MAK: variants seen among roughly 807,000 people sequenced by gnomAD.
MAK encodes the protein male germ cell associated kinase.
MAK carries 65 observed loss-of-function variants against 82.6 expected under a neutral mutation model. The ratio of observed to expected loss-of-function variants is 0.79; its 90% CI spans 0.64 to 0.97. MAK has a LOEUF of 0.97. Ranked by LOEUF, MAK falls within the 50% of genes least tolerant of loss-of-function variation. MAK has a pLI of 0.00. For synonymous variants in MAK, 250 were observed against 274.2 expected, an observed-to-expected ratio of 0.91 and a Z score of 0.87; for missense variants, 703 against 780.2, an observed-to-expected ratio of 0.90 and a Z score of 1.18.
At position 10,793,105 on chromosome 6, in the gene MAK, T is replaced by C. The variant is rs780497656; in HGVS notation, c.1144-1258A>G. On this transcript the variant is annotated intron_variant, in intron 9 of 14. Transcript: ENST00000354489. This position sits in a 1 kb window ranked among gnomAD's most constrained non-coding sequence, Gnocchi z 4.6. ...GCAAACTCCACATCAGTAAGTTTGG[T>C]AGAGGATGAGGGCAAAGATTCTAAA... Among the ~76,000 whole-genome samples, 18 of 152,136 alleles carry C rather than the reference T, an allele frequency of 1.2e-4. No individual in the cohort carries two copies. The highest frequency in any genetic ancestry group is 2.4e-4 in the Non-Finnish European group (16 of 68,028).
At position 10,808,824 on chromosome 6, in the gene MAK, A is replaced by G; in HGVS notation, c.477T>C (p.Tyr159=). The stretch of plus-strand genomic sequence containing the variant: ...CCCCTACTCACCATCTGGTAGATAC[A>G]TAATCAGTGTATGGTGGCTGTGACC... ...ELRSQPPYTD[Y]VSTRWYRAPE... The change falls in exon 6 of 15, where the codon TAT becomes TAC. Residue 159 remains tyrosine, a synonymous_variant. Coordinates refer to ENST00000354489, the MANE Select transcript of MAK (RefSeq NM_001242957.3). The G allele has an allele frequency of 6.2e-7, 1 of 1,614,106 alleles. No homozygotes were observed.
At chr6:10,768,514 G>T (rs1418145155) in intron 14 of MAK, among the ~76,000 whole-genome samples, 1 of 152,154 alleles carries the variant, frequency 6.6e-6, no homozygotes, top group African/African-American at 2.4e-5. Flanking sequence ...CCGGGAGGTG[G>T]AGGTTGCAGT....
intron 8 of MAK, among the ~76,000 whole-genome samples, chr6:10,797,008 A>G (rs1012845711): frequency 2.0e-5 from 3 of 152,216 alleles, no homozygotes; most frequent in African/African-American, 7.2e-5. Context: ...ACTCAAAGAC[A>G]TTAAAAAGTG....
chr6:10,810,442 C>A (rs1324811683), intron 5 of MAK, among the ~76,000 whole-genome samples: 1 of 149,136 alleles, frequency 6.7e-6, no homozygotes, highest in African/African-American at 2.5e-5. Flanking sequence ...TGGGTTCAAG[C>A]GATTCTCCTG....
At chr6:10,831,808 T>C (rs1401694966) in intron 1 of MAK, among the ~76,000 whole-genome samples, 3 of 152,198 alleles carry the variant, frequency 2.0e-5, no homozygotes, top group African/African-American at 7.2e-5. Context: ...GTGACTGAAA[T>C]GTTGTAACCT....
chr6:10,793,025 G>A lies in MAK; in HGVS notation c.1144-1178C>T, dbSNP rs572290182. Among the ~76,000 whole-genome samples the A allele has an allele frequency of 6.6e-6, 1 of 151,720 alleles. No homozygotes were observed. The highest frequency in any genetic ancestry group is 1.5e-5 in the Non-Finnish European group (1 of 67,964). ...ATATGCAAGAATCTGGTATGGCTGA[G>A]AAGACTGGAAAGGGGCAAATATAAT... is the stretch of plus-strand genomic sequence containing the variant. On this transcript the variant is annotated intron_variant, in intron 9 of 14. Coordinates refer to ENST00000354489, the MANE Select transcript of MAK (RefSeq NM_001242957.3). The surrounding 1 kb of genome is among the most constrained non-coding windows in gnomAD (Gnocchi z 4.6).
At chr6:10,829,694 G>A (rs1350729583) in intron 2 of MAK, among the ~76,000 whole-genome samples, 1 of 152,214 alleles carries the variant, frequency 6.6e-6, no homozygotes, top group African/African-American at 2.4e-5. Context: ...TGGTTTATCA[G>A]TGTAGCTGGA....
chr6:10,798,482 T>C (rs889433145), intron 8 of MAK, among the ~76,000 whole-genome samples: 4 of 152,104 alleles, frequency 2.6e-5, no homozygotes, highest in African/African-American at 9.7e-5. Flanking sequence ...ACTTTAAAAA[T>C]TAATAGCATT....
Position 10,775,394 on chromosome 6 carries a change from TG to T in MAK, c.1530del (p.Ser510ArgfsTer27). On this transcript the variant is annotated frameshift_variant, in exon 12 of 15. Transcript: ENST00000354489. LOFTEE classifies it high-confidence loss of function. ...SGKEINPHTW[S>X]NQLFPKSLGP... ...CCCAGTGACTTGGGGAATAACTGGT[TG>T]CTCCAAGTGTGGGGGTTTATTTCCT... 1 of 1,614,068 alleles carries T rather than the reference TG, an allele frequency of 6.2e-7. No individual in the cohort carries two copies.
intron 14 of MAK, among the ~76,000 whole-genome samples, chr6:10,769,538 A>T (rs1055915253): frequency 1.3e-5 from 2 of 152,214 alleles, no homozygotes; most frequent in Admixed American, 6.5e-5. Flanking sequence ...AGGGTGTGAA[A>T]GTCCTGCCAC....
At chr6:10,783,997 C>T (rs376224773) in intron 11 of MAK, among the ~76,000 whole-genome samples, 2 of 151,734 alleles carry the variant, frequency 1.3e-5, no homozygotes, top group African/African-American at 4.8e-5. Flanking sequence ...CCAGCCTGGG[C>T]GACAGAGCGA....
rs977572097 is a variant in MAK, at chr6:10,800,381, A to T, written c.831+1511T>A. ...TATCTTTCCATTTTAAGATTTTTAC[A>T]TAGAGAAAAATTTTACTTTTTATGT... On this transcript the variant is annotated intron_variant, in intron 8 of 14. Coordinates refer to ENST00000354489, the MANE Select transcript of MAK (RefSeq NM_001242957.3). The surrounding 1 kb of genome is among the most constrained non-coding windows in gnomAD (Gnocchi z 4.2). Among the ~76,000 whole-genome samples the T allele has an allele frequency of 2.6e-5, 4 of 152,182 alleles. No individual in the cohort carries two copies. Among genetic ancestry groups the T allele is most frequent in the African/African-American group, 9.6e-5 (4 of 41,454 alleles).
chr6:10,769,874 C>T (rs1684955921), intron 14 of MAK, among the ~76,000 whole-genome samples: 1 of 152,168 alleles, frequency 6.6e-6, no homozygotes, highest in Non-Finnish European at 1.5e-5. Context: ...AAGCCCTTTA[C>T]ACTGTGCCTG....
intron 1 of MAK, among the ~76,000 whole-genome samples, chr6:10,832,991 G>A (rs1330479378): frequency 2.0e-5 from 3 of 152,098 alleles, no homozygotes; most frequent in East Asian, 1.9e-4. Context: ...CAGTATCTCC[G>A]AGGTGTGTAT....
chr6:10,835,199 A>C (rs972428755), intron 1 of MAK, among the ~76,000 whole-genome samples: 3 of 152,202 alleles, frequency 2.0e-5, no homozygotes, highest in African/African-American at 7.2e-5. Context: ...CCTTCAGCCA[A>C]ATTTTCTTTT....
chr6:10,803,680 T>C (rs201603215), intron 7 of MAK, 40 bp downstream of exon 7: 2 of 1,550,284 alleles, frequency 1.3e-6, no homozygotes, highest in East Asian at 2.2e-5. Context: ...AAGATAGAAA[T>C]AATCAAAAGT....
At chr6:10,785,444 A>G (rs1029034521) in intron 10 of MAK, among the ~76,000 whole-genome samples, 17 of 152,270 alleles carry the variant, frequency 1.1e-4, no homozygotes, top group Admixed American at 1.0e-3. Flanking sequence ...GTTAACTCCA[A>G]GCATCCATGG....
At chr6:10,782,218 ACACACACACACAC>A (rs1774056034) in intron 11 of MAK, among the ~76,000 whole-genome samples, 2 of 131,188 alleles carry the variant, frequency 1.5e-5, no homozygotes, top group Non-Finnish European at 3.2e-5. Context: ...ACACACACAC[ACACACACACACAC>A]ACACACACAC....
chr6:10,796,394 G>T, intron 8 of MAK, 85 bp from the exon 9 acceptor site: 3 of 1,132,066 alleles, frequency 2.7e-6, no homozygotes, highest in Non-Finnish European at 3.9e-6. Flanking sequence ...CCTGTGCGAG[G>T]CATTTATCAT....
Sources: allele counts gnomAD v4.1 joint callset (sites outside exome capture counted in the v4.1 genomes callset), GRCh38; gene constraint gnomAD v4.1.1; non-coding constraint Gnocchi (gnomAD v3.1); transcripts MANE v1.5; gene names NCBI Gene and HGNC (gene_info 2026-07-23, HGNC 2026-07-21).